NXN: variants seen among roughly 807,000 people sequenced by gnomAD.
NXN encodes the protein nucleoredoxin 1.
In NXN, 16 loss-of-function variants were observed where a neutral mutation model predicts 48.6. That is an observed-to-expected ratio of 0.33 (90% CI 0.22 to 0.50). The LOEUF (loss-of-function observed/expected upper bound fraction) is 0.50. Ranked by LOEUF, NXN falls within the 20% of genes least tolerant of loss-of-function variation. NXN has a pLI of 0.98. For synonymous variants in NXN, 281 were observed against 269.6 expected (o/e 1.04, Z -0.41); for missense variants, 492 against 605.5 (o/e 0.81, Z 1.97).
intron 7 of NXN, 147 bp downstream of exon 7, chr17:803,535 C>A: frequency 1.0e-6 from 1 of 986,936 alleles, no homozygotes; most frequent in Non-Finnish European, 1.5e-6. Flanking sequence ...GGCTACCTTT[C>A]CTTGCCACAT....
At chr17:935,745 CT>C (rs1389054629) in intron 1 of NXN, among the ~76,000 whole-genome samples, 1 of 152,080 alleles carries the variant, frequency 6.6e-6, no homozygotes, top group Non-Finnish European at 1.5e-5. Flanking sequence ...ACAAAGCCAG[CT>C]TTCATAACAT....
chr17:935,063 C>T (rs1349034938), intron 1 of NXN, among the ~76,000 whole-genome samples: 1 of 149,046 alleles, frequency 6.7e-6, no homozygotes, highest in Admixed American at 6.7e-5. Flanking sequence ...GTGATCTCGG[C>T]TCACTGCAGC....
intron 1 of NXN, among the ~76,000 whole-genome samples, chr17:828,274 T>C (rs949709048): frequency 2.6e-5 from 4 of 151,534 alleles, no homozygotes; most frequent in Non-Finnish European, 1.5e-5. Flanking sequence ...CGGCTAGTTT[T>C]TATATTTTTA....
chr17:833,172 T>C (rs752266865), intron 1 of NXN, among the ~76,000 whole-genome samples: 4 of 152,164 alleles, frequency 2.6e-5, no homozygotes, highest in Admixed American at 2.0e-4. Flanking sequence ...ATTACAGGCA[T>C]GAGCCACCGC....
chr17:841,875 G>A (rs905442145), intron 1 of NXN, among the ~76,000 whole-genome samples: 12 of 152,300 alleles, frequency 7.9e-5, no homozygotes, highest in South Asian at 4.1e-4. Context: ...GGCGGCTCAC[G>A]TCTGTAATCC....
intron 1 of NXN, among the ~76,000 whole-genome samples, chr17:952,671 CGG>C: frequency 4.6e-5 from 1 of 21,966 alleles, no homozygotes; most frequent in African/African-American, 2.5e-4. Context: ...GCAGGTACCA[CGG>C]ACGGTCACAC....
intron 1 of NXN, among the ~76,000 whole-genome samples, chr17:877,686 G>A (rs2068232324): frequency 6.6e-6 from 1 of 152,134 alleles, no homozygotes; most frequent in Non-Finnish European, 1.5e-5. Context: ...CAATGTCTGG[G>A]GCACACGCTC....
intron 1 of NXN, among the ~76,000 whole-genome samples, chr17:850,172 A>C (rs2067908748): frequency 6.6e-6 from 1 of 152,180 alleles, no homozygotes; most frequent in African/African-American, 2.4e-5. Context: ...CCAGAAAAAG[A>C]AAAGCAAAAT....
intron 5 of NXN, among the ~76,000 whole-genome samples, chr17:806,938 A>ACGCG (rs201011388): frequency 1.3e-5 from 2 of 151,448 alleles, no homozygotes; most frequent in East Asian, 1.9e-4. Flanking sequence ...ACACACACAC[A>ACGCG]CACACACACG....
At chr17:910,603 ATGT>A (rs1344499077) in intron 1 of NXN, 1 of 152,112 alleles carries the variant, frequency 6.6e-6, no homozygotes, top group Non-Finnish European at 1.5e-5. Context: ...AGAACTGATG[ATGT>A]TTTTTTAAAA....
chr17:965,455 TA>T (rs2069290698), intron 1 of NXN, among the ~76,000 whole-genome samples: 1 of 152,166 alleles, frequency 6.6e-6, no homozygotes, highest in South Asian at 2.1e-4. Flanking sequence ...CCTTGAAAAC[TA>T]TCAATAGGAA....
chr17:952,991 G>A (rs1018968522), intron 1 of NXN, among the ~76,000 whole-genome samples: 5 of 152,118 alleles, frequency 3.3e-5, no homozygotes, highest in Non-Finnish European at 7.4e-5. Flanking sequence ...TGGTCCTAGA[G>A]GGGTCCTAGG....
intron 1 of NXN, among the ~76,000 whole-genome samples, chr17:914,223 T>C (rs12936182): frequency 6.2e-4 from 29 of 46,942 alleles, no homozygotes; most frequent in African/African-American, 1.0e-3. Context: ...TTAATAGAGA[T>C]GGGGTTTCGC....
chr17:918,030 A>C (rs577137661), intron 1 of NXN, among the ~76,000 whole-genome samples: 2 of 152,356 alleles, frequency 1.3e-5, no homozygotes, highest in South Asian at 4.1e-4. Context: ...TATTTGCAGC[A>C]TAAAGGAAAT....
In NXN at chr17:979,655, C is replaced by A. The variant is rs2069515061; in HGVS notation, c.24G>T (p.Leu8=). The part of the protein sequence containing the change: MSGFLEE[L]LGEKLVTGGG... Reference sequence around the variant, plus strand: ...CGCCCGTCACCAGCTTCTCGCCGAGCAGCTCCTCCAGGAAGCCCGACATCC... The same window carrying A: ...CGCCCGTCACCAGCTTCTCGCCGAGAAGCTCCTCCAGGAAGCCCGACATCC... Residue 8 remains leucine, a synonymous_variant, in exon 1 of 8, where the codon CTG becomes CTT. Transcript: ENST00000336868. 2.0e-6 allele frequency: 3 copies of A among 1,472,132 alleles called. No homozygotes were observed. The highest frequency in any genetic ancestry group is 2.5e-5 in the South Asian group (2 of 80,076). 91.2% of individuals were successfully genotyped at this position (1,472,132 alleles called of 1,614,324 possible).
Position 799,367 on chromosome 17 carries a change from T to C in NXN, c.*1582A>G, listed in dbSNP as rs1249769714. On this transcript the variant is annotated 3_prime_UTR_variant, in exon 8 of 8. Coordinates refer to ENST00000336868, the MANE Select transcript of NXN (RefSeq NM_022463.5). ...GGATGAGGTCCAGAGATGCCTGCTT[T>C]ATTTCCTACGGGGTGATCGCATTTC... The C allele has an allele frequency of 6.6e-6, 1 of 152,308 alleles. No homozygotes were observed. Among genetic ancestry groups the C allele is most frequent in the Non-Finnish European group, 1.5e-5 (1 of 68,106 alleles). The allele number at this position is 152,308 out of a possible 1,614,324, so 9.4% of individuals were successfully genotyped here. A position where few individuals can be genotyped will look rare whatever the true frequency, so the allele number is the denominator to read the frequency against.
chr17:843,053 AAAGAAGGAAGAAAGCAAGCAAGC>A (rs1390586697), intron 1 of NXN, among the ~76,000 whole-genome samples: 1 of 117,312 alleles, frequency 8.5e-6, no homozygotes, highest in Admixed American at 7.9e-5. Context: ...AGAAAGAAAG[AAAGAAGGAAGAAAGCAAGCAAGC>A]AAGCTGCACC....
chr17:936,139 G>A lies in NXN; in HGVS notation c.360+43180C>T, dbSNP rs557563144. ...TCCAGCTCCTGCTTGTGCTTCCATC[G>A]ATTGTCCTCCAAAAGATGGCTGGAG... is the stretch of plus-strand genomic sequence containing the variant. On this transcript the variant is annotated intron_variant, in intron 1 of 7. Transcript: ENST00000336868. Among the ~76,000 whole-genome samples the A allele has an allele frequency of 6.9e-4, 100 of 145,732 alleles. 1 individual carries two copies. The highest frequency in any genetic ancestry group is 2.0e-4 in the East Asian group (1 of 4,978).
At chr17:803,319 C>T (rs913863757) in intron 7 of NXN, among the ~76,000 whole-genome samples, 38 of 152,174 alleles carry the variant, frequency 2.5e-4, no homozygotes, top group African/African-American at 3.4e-4. Context: ...CTGCAGCCAG[C>T]GCGGAGGCAC....
Sources: allele counts gnomAD v4.1 joint callset (sites outside exome capture counted in the v4.1 genomes callset), GRCh38; gene constraint gnomAD v4.1.1; transcripts MANE v1.5; gene names NCBI Gene and HGNC (gene_info 2026-07-23, HGNC 2026-07-21).